Variants in SHF observed in about 807,000 individuals in gnomAD.
SHF encodes the protein Src homology 2 domain containing F.
In SHF, 30 loss-of-function variants were observed where a neutral mutation model predicts 42.4. The observed-to-expected ratio is 0.71, with a 90% CI of 0.53 to 0.96. SHF has a LOEUF of 0.96. Ranked by LOEUF, SHF falls within the 40% of genes least tolerant of loss-of-function variation. The pLI, the probability that SHF is intolerant of heterozygous loss-of-function variation, is 0.00. For missense variants in SHF, 598 were observed against 634.0 expected (o/e 0.94, Z 0.61); for synonymous variants, 264 against 269.9 (o/e 0.98, Z 0.21).
chr15:45,186,749 C>T (rs1898429801), intron 1 of SHF, among the ~76,000 whole-genome samples: 1 of 152,242 alleles, frequency 6.6e-6, no homozygotes, highest in Non-Finnish European at 1.5e-5. Flanking sequence ...AGGTCCTGAG[C>T]ACTGACTATC....
upstream of SHF, among the ~76,000 whole-genome samples, chr15:45,190,033 T>A (rs1898670369): frequency 6.6e-6 from 1 of 152,140 alleles, no homozygotes; most frequent in Non-Finnish European, 1.5e-5. Flanking sequence ...TTTAGGACAG[T>A]GCTTCTCAAA....
At chr15:45,170,150 CAATAA>C in intron 6 of SHF, 1 of 279,264 alleles carries the variant, frequency 3.6e-6, no homozygotes, top group Middle Eastern at 1.3e-3. Flanking sequence ...CTGTACCAAA[CAATAA>C]TATGGCACTG....
At chr15:45,200,666 G>A in intron 1 of SHF, 1 of 453,836 alleles carries the variant, frequency 2.2e-6, no homozygotes, top group Non-Finnish European at 4.4e-6. Flanking sequence ...ACACTTGCCT[G>A]CGCACCAGAC....
At chr15:45,200,758 G>C in exon 1 of SHF, 1 of 456,258 alleles carries the variant, frequency 2.2e-6, no homozygotes. Context: ...ATGGTGGTGG[G>C]TCAGAACTGA....
In SHF at chr15:45,173,600, C is replaced by T. The variant is rs1397789091; in HGVS notation, c.964G>A (p.Glu322Lys). The T allele has an allele frequency of 1.3e-6, 2 of 1,540,840 alleles. No individual in the cohort carries two copies. The highest frequency in any genetic ancestry group is 2.7e-5 in the African/African-American group (2 of 73,092). The change falls in exon 4 of 7, where the codon GAG becomes AAG. Residue 322 changes from glutamate (E) to lysine (K), a missense_variant. Transcript: ENST00000690270. ...DISGPASPLP[E>K]PSLEDSSAQF... ...CCGCTGCTGTCCTCCAGGCTGGGCT[C>T]AGGGAGGGGCGAGGCTGGACCGGAG...
chr15:45,170,655 T>C, intron 6 of SHF: 1 of 332,466 alleles, frequency 3.0e-6, no homozygotes, highest in Non-Finnish European at 5.6e-6. Flanking sequence ...CTTTTTTTTT[T>C]TTTTTTTTTT....
At chr15:45,178,825 G>T (rs146213916) in intron 1 of SHF, among the ~76,000 whole-genome samples, 2 of 152,188 alleles carry the variant, frequency 1.3e-5, no homozygotes, top group Admixed American at 6.5e-5. Context: ...GAGCCACCGC[G>T]CCCGGCCCCA....
At chr15:45,198,694 G>T in intron 2 of SHF, 2 of 1,519,832 alleles carry the variant, frequency 1.3e-6, no homozygotes, top group Non-Finnish European at 1.8e-6. Flanking sequence ...CCGGGGACCC[G>T]TAGGGGTTGG....
intron 1 of SHF, among the ~76,000 whole-genome samples, chr15:45,182,619 T>C (rs551501955): frequency 6.6e-6 from 1 of 152,344 alleles, no homozygotes; most frequent in South Asian, 2.1e-4. Context: ...ATTTGGAAAA[T>C]GCAGCATCTT....
chr15:45,173,623 G>A lies in SHF; in HGVS notation c.941C>T (p.Ser314Phe), dbSNP rs1194059421. ...CTCAGGGAGGGGCGAGGCTGGACCG[G>A]AGATGTCCCTGTCCCCATCAGGCAG... is the stretch of plus-strand genomic sequence containing the variant. ...PSLPDGDRDI[S>F]GPASPLPEPS... Residue 314 changes from serine to phenylalanine, a missense_variant, in exon 4 of 7, where the codon TCC becomes TTC. Transcript: ENST00000690270. 1 of 1,550,634 alleles carries A rather than the reference G, an allele frequency of 6.4e-7. No individual in the cohort carries two copies. Among genetic ancestry groups the A allele is most frequent in the Admixed American group, 2.0e-5 (1 of 50,974 alleles).
At chr15:45,180,707 AC>A (rs1318523912) in intron 1 of SHF, among the ~76,000 whole-genome samples, 1 of 150,252 alleles carries the variant, frequency 6.7e-6, no homozygotes. Context: ...CTTTCCATAC[AC>A]CTCCCAGGCC....
intron 4 of SHF, among the ~76,000 whole-genome samples, chr15:45,172,983 A>G (rs1246334070): frequency 6.6e-6 from 1 of 152,152 alleles, no homozygotes; most frequent in Non-Finnish European, 1.5e-5. Context: ...ACACATGCGC[A>G]CGTGCACGTA....
Position 45,173,630 on chromosome 15 carries a change from C to A in SHF, c.934G>T (p.Asp312Tyr), listed in dbSNP as rs1248502650. The A allele has an allele frequency of 1.3e-6, 2 of 1,551,082 alleles. No individual in the cohort carries two copies. Among genetic ancestry groups the A allele is most frequent in the Non-Finnish European group, 1.7e-6 (2 of 1,146,766 alleles). The change falls in exon 4 of 7, where the codon GAC (aspartate) becomes TAC (tyrosine). Residue 312 changes from aspartate (D) to tyrosine (Y), a missense_variant. Transcript: ENST00000690270. ...SSPSLPDGDR[D>Y]ISGPASPLPE... ...AGGGGCGAGGCTGGACCGGAGATGT[C>A]CCTGTCCCCATCAGGCAGGGAGGGG...
chr15:45,185,840 AC>A (rs1271138589), intron 1 of SHF, among the ~76,000 whole-genome samples: 2 of 152,242 alleles, frequency 1.3e-5, no homozygotes, highest in Admixed American at 1.3e-4. Context: ...CTGATAATGG[AC>A]AGTCACCATT....
In SHF at chr15:45,187,885, C is replaced by A; in HGVS notation, c.67G>T (p.Gly23Cys). Reference sequence around the variant, plus strand: ...CCCCGGCGGGACCCCCCCGGGCCGCCCCCAGCGCTCCCCTGCGTTCGCGGC... The same window carrying A: ...CCCCGGCGGGACCCCCCCGGGCCGCACCCAGCGCTCCCCTGCGTTCGCGGC... ...PGPRTQGSAG[G>C]GPGGSRRGAG... Residue 23 changes from glycine (G) to cysteine (C), a missense_variant, in exon 1 of 7, where the codon GGC (glycine) becomes TGC (cysteine). Physicochemically the swap from Gly to Cys is radical, Grantham distance 159. Coordinates refer to ENST00000690270, the MANE Select transcript of SHF (RefSeq NM_001394037.1). 8.5e-7 allele frequency: 1 copy of A among 1,181,074 alleles called. No homozygotes were observed. The highest frequency in any genetic ancestry group is 1.0e-6 in the Non-Finnish European group (1 of 953,530). The allele number at this position is 1,181,074 out of a possible 1,614,324, so 73.2% of individuals were successfully genotyped here. A position where few individuals can be genotyped will look rare whatever the true frequency, so the allele number is the denominator to read the frequency against.
At chr15:45,180,276 C>T (rs1898058785) in intron 1 of SHF, among the ~76,000 whole-genome samples, 1 of 152,168 alleles carries the variant, frequency 6.6e-6, no homozygotes, top group South Asian at 2.1e-4. Flanking sequence ...CCTCCTTCTG[C>T]CAGGAAGTAG....
At chr15:45,185,294 A>G (rs1264649628) in intron 1 of SHF, among the ~76,000 whole-genome samples, 2 of 152,374 alleles carry the variant, frequency 1.3e-5, no homozygotes, top group African/African-American at 2.4e-5. Flanking sequence ...GCCACATAGT[A>G]CATAAACACC....
intron 6 of SHF, chr15:45,170,482 G>C: frequency 7.9e-7 from 1 of 1,266,204 alleles, no homozygotes; most frequent in Non-Finnish European, 1.0e-6. Context: ...GAGTATGACA[G>C]CTGGAAAAAA....
intron 3 of SHF, among the ~76,000 whole-genome samples, chr15:45,174,869 A>C (rs998223461): frequency 6.6e-6 from 1 of 152,168 alleles, no homozygotes; most frequent in African/African-American, 2.4e-5. Flanking sequence ...TTCTTTTGTT[A>C]AATGTAAGTA....
Sources: allele counts gnomAD v4.1 joint callset (sites outside exome capture counted in the v4.1 genomes callset), GRCh38; gene constraint gnomAD v4.1.1; transcripts MANE v1.5; gene names NCBI Gene and HGNC (gene_info 2026-07-23, HGNC 2026-07-21).